The following MBNL1 variants were observed in gnomAD, a reference collection of about 807,000 sequenced individuals.
MBNL1 encodes muscleblind-like protein 1.
Under a neutral mutation model 42.2 loss-of-function variants are expected in MBNL1, and 8 were observed. That is an observed-to-expected ratio of 0.19 (90% CI 0.11 to 0.34). MBNL1 has a LOEUF of 0.34. Among genes scored for constraint, MBNL1 ranks in the 10% least tolerant of loss-of-function variants. The pLI is 1.00. For synonymous variants in MBNL1, 169 were observed against 173.9 expected (o/e 0.97, Z 0.22); for missense variants, 309 against 495.3 (o/e 0.62, Z 3.57).
chr3:152,287,694 T>G (rs1253746213), intron 1 of MBNL1, among the ~76,000 whole-genome samples: 1 of 152,192 alleles, frequency 6.6e-6, no homozygotes, highest in Non-Finnish European at 1.5e-5. Flanking sequence ...TTGCCGTTAA[T>G]AAACAATTTG....
At chr3:152,354,328 G>A (rs967623852) in intron 2 of MBNL1, among the ~76,000 whole-genome samples, 1 of 152,034 alleles carries the variant, frequency 6.6e-6, no homozygotes, top group Non-Finnish European at 1.5e-5. Flanking sequence ...GGTGGCTTCC[G>A]CCTGTGGTCC....
intron 3 of MBNL1, 46 bp from the exon 4 acceptor site, chr3:152,432,671 G>T (rs769473567): frequency 6.5e-7 from 1 of 1,529,096 alleles, no homozygotes; most frequent in Non-Finnish European, 9.1e-7. Flanking sequence ...TATCAACTTT[G>T]AGCTGAGACC....
chr3:152,298,840 C>A (rs1174193202), intron 1 of MBNL1: 2 of 152,148 alleles, frequency 1.3e-5, no homozygotes, highest in Non-Finnish European at 2.9e-5. Flanking sequence ...GTTCAGTGCC[C>A]GTCCCTGCGC....
Position 152,432,833 on chromosome 3 carries a change from A to C in MBNL1, c.462A>C (p.Pro154=). The C allele has an allele frequency of 2.5e-6, 4 of 1,614,180 alleles. No individual in the cohort carries two copies. Among genetic ancestry groups the C allele is most frequent in the Non-Finnish European group, 3.4e-6 (4 of 1,180,026 alleles). The part of the protein sequence containing the change: ...LVPAEILPTA[P]MLVTGNPGVP... Reference sequence around the variant, plus strand: ...CGGCAGAGATCTTGCCGACTGCACCAATGTTGGTTACAGGGAATCCGGGTG... The same window carrying C: ...CGGCAGAGATCTTGCCGACTGCACCCATGTTGGTTACAGGGAATCCGGGTG... Residue 154 remains proline, a synonymous_variant, in exon 4 of 10, where the codon CCA becomes CCC. Coordinates refer to ENST00000324210, the MANE Select transcript of MBNL1 (RefSeq NM_021038.5).
chr3:152,271,440 A>G (rs958403237), intron 1 of MBNL1, among the ~76,000 whole-genome samples: 1 of 152,230 alleles, frequency 6.6e-6, no homozygotes, highest in Non-Finnish European at 1.5e-5. Context: ...ATGCCCTTGC[A>G]TTTGTCACTG....
chr3:152,443,915 T>A (rs889944306), intron 4 of MBNL1, among the ~76,000 whole-genome samples: 3 of 152,160 alleles, frequency 2.0e-5, no homozygotes, highest in African/African-American at 7.2e-5. Context: ...TTTTTTAAGA[T>A]GTAGCATGAT....
At chr3:152,452,441 C>G (rs1725217886) in intron 6 of MBNL1, among the ~76,000 whole-genome samples, 1 of 152,196 alleles carries the variant, frequency 6.6e-6, no homozygotes, top group African/African-American at 2.4e-5. Context: ...AGGTCCTGTA[C>G]AGTCTAGTAT....
At chr3:152,404,340 T>C (rs1437707725) in intron 2 of MBNL1, among the ~76,000 whole-genome samples, 3 of 152,218 alleles carry the variant, frequency 2.0e-5, no homozygotes, top group African/African-American at 7.2e-5. Context: ...CTGAGTAGAC[T>C]TCAATGGAAG....
In MBNL1 at chr3:152,457,938, A is replaced by C. The variant is rs564143172; in HGVS notation, c.1093-1333A>C. 236 of 494,422 alleles carry C rather than the reference A, an allele frequency of 4.8e-4. 3 individuals are homozygous for C. The highest frequency in any genetic ancestry group is 1.2e-3 in the South Asian group (35 of 29,042). The allele number at this position is 494,422 out of a possible 1,614,324, so 30.6% of individuals were successfully genotyped here. ...ATACTATTTGACAACCAAAAGAAAGAAAAGGGAATGGATATATATATACAC... is the reference window on the plus strand; with the variant it reads ...ATACTATTTGACAACCAAAAGAAAGCAAAGGGAATGGATATATATATACAC... On this transcript the variant is annotated intron_variant, in intron 8 of 9. Transcript: ENST00000324210.
chr3:152,434,936 A>T (rs1456433717), intron 4 of MBNL1, among the ~76,000 whole-genome samples: 1 of 152,064 alleles, frequency 6.6e-6, no homozygotes. Flanking sequence ...CAGATTCTAG[A>T]TATTAGACCT....
intron 2 of MBNL1, among the ~76,000 whole-genome samples, chr3:152,309,151 C>G (rs2064947593): frequency 6.6e-6 from 1 of 152,092 alleles, no homozygotes; most frequent in South Asian, 2.1e-4. Context: ...TTTTCCCCTT[C>G]CCTCTCTCTC....
intron 2 of MBNL1, among the ~76,000 whole-genome samples, chr3:152,329,344 G>A (rs1361695716): frequency 1.3e-5 from 2 of 151,932 alleles, no homozygotes; most frequent in Non-Finnish European, 2.9e-5. Context: ...AATTGGTTTC[G>A]GTCAGACAGC....
chr3:152,326,266 A>T lies in MBNL1; in HGVS notation c.174+25899A>T, dbSNP rs552226867. Among the ~76,000 whole-genome samples, 5 of 152,094 alleles carry T rather than the reference A, an allele frequency of 3.3e-5. No individual in the cohort carries two copies. The South Asian group carries it at 1.0e-3, about 31-fold the overall frequency. Reference sequence around the variant, plus strand: ...TTCTTCCATCATCCTTATTTTCTGTAAACTGAAAATTAGAGTCGAGTTTAA... The same window carrying T: ...TTCTTCCATCATCCTTATTTTCTGTTAACTGAAAATTAGAGTCGAGTTTAA... On this transcript the variant is annotated intron_variant, in intron 2 of 9. Transcript: ENST00000324210.
intron 3 of MBNL1, among the ~76,000 whole-genome samples, chr3:152,430,870 G>A (rs1008278214): frequency 1.3e-5 from 2 of 152,144 alleles, no homozygotes; most frequent in African/African-American, 4.8e-5. Context: ...CTACTTGAGG[G>A]CACTTCATCA....
chr3:152,298,953 G>A (rs891866036), intron 1 of MBNL1: 6 of 152,302 alleles, frequency 3.9e-5, no homozygotes, highest in African/African-American at 1.4e-4. Flanking sequence ...CTGAGAAGCT[G>A]TTTTGAAACT....
intron 2 of MBNL1, among the ~76,000 whole-genome samples, chr3:152,356,459 AGTCCACTCTTTAAAAT>A (rs1324510107): frequency 6.6e-6 from 1 of 152,176 alleles, no homozygotes; most frequent in Non-Finnish European, 1.5e-5. Context: ...TGCCTGACAA[AGTCCACTCTTTAAAAT>A]GTCCTGATTT....
intron 2 of MBNL1, among the ~76,000 whole-genome samples, chr3:152,250,831 G>A (rs535194584): frequency 6.6e-6 from 1 of 151,908 alleles, no homozygotes; most frequent in Admixed American, 6.6e-5. Flanking sequence ...TGGCATGAAG[G>A]GTTGTTGAAT....
At chr3:152,349,709 T>G (rs2094713644) in intron 2 of MBNL1, among the ~76,000 whole-genome samples, 1 of 151,940 alleles carries the variant, frequency 6.6e-6, no homozygotes, top group Non-Finnish European at 1.5e-5. Context: ...TCAGGAAAAT[T>G]GAGGTGTTGC....
chr3:152,305,411 G>A (rs528707652), intron 2 of MBNL1, among the ~76,000 whole-genome samples: 1 of 152,164 alleles, frequency 6.6e-6, no homozygotes, highest in South Asian at 2.1e-4. Context: ...TTCATGCTGA[G>A]CAATGTCTCT....
Sources: gnomAD v4.1 joint callset for allele counts (sites outside exome capture counted in the v4.1 genomes callset) on GRCh38, gnomAD v4.1.1 for gene constraint, MANE v1.5 for transcripts, NCBI Gene and HGNC (gene_info 2026-07-23, HGNC 2026-07-21) for gene names.